KCNA3: variants seen among roughly 807,000 people sequenced by gnomAD.
The protein encoded by KCNA3 is RP11-284N8.3.
Under a neutral mutation model 34.3 loss-of-function variants are expected in KCNA3, and 18 were observed. The observed-to-expected ratio is 0.52, with a 90% CI of 0.36 to 0.78. The LOEUF is 0.78. KCNA3 is among the 30% of genes least tolerant of loss of function. The pLI, the probability that KCNA3 is intolerant of heterozygous loss-of-function variation, is 0.00. For synonymous variants in KCNA3, 324 were observed against 351.7 expected, an observed-to-expected ratio of 0.92 and a Z score of 0.88; for missense variants, 587 against 802.5, an observed-to-expected ratio of 0.73 and a Z score of 3.24.
At chr1:110,661,019 T>C in the KCNA3 span, among the ~76,000 whole-genome samples, 1 of 152,222 alleles carries the variant, frequency 6.6e-6, no homozygotes, top group Non-Finnish European at 1.5e-5. Flanking sequence ...ATTTACTAAC[T>C]ATATAATATA....
In KCNA3 at chr1:110,674,092, A is replaced by C; in HGVS notation, c.718T>G (p.Ser240Ala). The C allele has an allele frequency of 6.2e-7, 1 of 1,609,832 alleles. No individual in the cohort carries two copies. The highest frequency in any genetic ancestry group is 8.5e-7 in the Non-Finnish European group (1 of 1,178,120). ...ATGGAGATGAGGATGACCAGCACGG[A>C]CACGATGGCGATGCCCCGGGCCGGC... is the stretch of plus-strand genomic sequence containing the variant. ...SGPARGIAIV[S>A]VLVILISIVI... is the part of the protein sequence containing the mutation. The change falls in exon 1 of 1, where the codon TCC (serine) becomes GCC (alanine). Residue 240 changes from serine to alanine, a missense_variant. Ser to Ala is a moderately conservative substitution (Grantham distance 99, BLOSUM62 1). Around this residue, in one of 7 missense-constraint regions of KCNA3, gnomAD observed 9 missense variants for 26.8 expected, o/e 0.34. Transcript: ENST00000369769. This position sits in a 1 kb window ranked among gnomAD's most constrained non-coding sequence, Gnocchi z 6.4.
downstream of KCNA3, among the ~76,000 whole-genome samples, chr1:110,672,071 A>G (rs1651910382): frequency 6.6e-6 from 1 of 152,186 alleles, no homozygotes; most frequent in South Asian, 2.1e-4. Flanking sequence ...TTATGAAATC[A>G]TTTAAGTAGG....
At chr1:110,664,766 TA>T in the KCNA3 span, among the ~76,000 whole-genome samples, 1 of 152,110 alleles carries the variant, frequency 6.6e-6, no homozygotes, top group Non-Finnish European at 1.5e-5. Context: ...ATAAAATACC[TA>T]ATACATTAGA....
rs1651998814 is a variant in KCNA3, at chr1:110,674,282, G to A, written c.528C>T (p.Pro176=). Residue 176 remains proline (P), a synonymous_variant, in exon 1 of 1, where the codon CCC becomes CCT. Transcript: ENST00000369769. This position sits in a 1 kb window ranked among gnomAD's most constrained non-coding sequence, Gnocchi z 6.4. ...GGATCTCCTCGGAGAAAATGTCGAT[G>A]GGCACGTTGACCGGCCGGCGGATGC... The part of the protein sequence containing the change: ...GGRIRRPVNV[P]IDIFSEEIRF... 2 of 1,614,160 alleles carry A rather than the reference G, an allele frequency of 1.2e-6. No individual in the cohort carries two copies. Among genetic ancestry groups the A allele is most frequent in the East Asian group, 2.2e-5 (1 of 44,860 alleles).
downstream of KCNA3, among the ~76,000 whole-genome samples, chr1:110,671,396 C>T (rs1365516582): frequency 6.6e-6 from 1 of 152,176 alleles, no homozygotes; most frequent in Non-Finnish European, 1.5e-5. Context: ...TGGCAAATAC[C>T]ATCAGTCTAT....
chr1:110,662,392 C>T, the KCNA3 span, among the ~76,000 whole-genome samples: 1 of 151,976 alleles, frequency 6.6e-6, no homozygotes, highest in South Asian at 2.1e-4. Flanking sequence ...AGTACAGAAA[C>T]CTAGCTTACT....
At chr1:110,672,432 G>A (rs533916969), downstream of KCNA3, 3 of 152,530 alleles carry the variant, frequency 2.0e-5, no homozygotes, top group Admixed American at 2.0e-4. Flanking sequence ...TAGCAAGCCC[G>A]AAAGAATTAA....
the KCNA3 span, among the ~76,000 whole-genome samples, chr1:110,664,785 A>T: frequency 6.6e-6 from 1 of 152,242 alleles, no homozygotes; most frequent in Non-Finnish European, 1.5e-5. Context: ...AGAGGGAAAA[A>T]TAAGAAGAGA....
At chr1:110,671,588 T>G (rs1651892459), downstream of KCNA3, among the ~76,000 whole-genome samples, 1 of 152,214 alleles carries the variant, frequency 6.6e-6, no homozygotes, top group Admixed American at 6.5e-5. Context: ...TGCAATTCAC[T>G]CAGTTTTAAA....
chr1:110,672,923 G>A lies in KCNA3; in HGVS notation c.*159C>T. 1 of 720,614 alleles carries A rather than the reference G, an allele frequency of 1.4e-6. No individual in the cohort carries two copies. The highest frequency in any genetic ancestry group is 1.9e-5 in the South Asian group (1 of 51,640). 44.6% of individuals were successfully genotyped at this position (720,614 alleles called of 1,614,324 possible). On this transcript the variant is annotated 3_prime_UTR_variant, in exon 1 of 1. Transcript: ENST00000369769. ...ACTTGCAAAACAGGCACCTGTTTCA[G>A]TATGAAGCAGCAGGGAGAGGGAGAA... is the stretch of plus-strand genomic sequence containing the variant.
chr1:110,674,678 G>T lies in KCNA3; in HGVS notation c.132C>A (p.Ala44=). The T allele has an allele frequency of 6.6e-7, 1 of 1,506,902 alleles. No individual in the cohort carries two copies. Among genetic ancestry groups the T allele is most frequent in the Non-Finnish European group, 8.8e-7 (1 of 1,138,960 alleles). The allele number at this position is 1,506,902 out of a possible 1,614,324, so 93.3% of individuals were successfully genotyped here. A position where few individuals can be genotyped will look rare whatever the true frequency, so the allele number is the denominator to read the frequency against. ...TLVNHGYAEP[A]AGRELPPDMT... ...TGTCGGGCGGCAGCTCGCGGCCTGC[G>T]GCGGGCTCCGCGTAGCCGTGGTTCA... Residue 44 remains alanine, a synonymous_variant, in exon 1 of 1, where the codon GCC becomes GCA. Transcript: ENST00000369769. The surrounding 1 kb of genome is among the most constrained non-coding windows in gnomAD (Gnocchi z 6.4).
the KCNA3 span, among the ~76,000 whole-genome samples, chr1:110,660,015 A>G: frequency 6.6e-6 from 1 of 152,304 alleles, no homozygotes; most frequent in South Asian, 2.1e-4. Context: ...GCAAACCAAC[A>G]TGACACATGT....
the KCNA3 span, chr1:110,654,733 A>AT: frequency 1.3e-5 from 2 of 152,146 alleles, no homozygotes; most frequent in Non-Finnish European, 2.9e-5. Context: ...TTAAAATTAA[A>AT]TTTTTGTCAA....
rs915075797 is a variant in KCNA3 at position 110,673,004 on chromosome 1, T to G, written c.*78A>C. The G allele has an allele frequency of 7.4e-6, 10 of 1,352,890 alleles. No homozygotes were observed. The highest frequency in any genetic ancestry group is 9.2e-6 in the Non-Finnish European group (9 of 981,400). The allele number at this position is 1,352,890 out of a possible 1,614,324, so 83.8% of individuals were successfully genotyped here. A position where few individuals can be genotyped will look rare whatever the true frequency, so the allele number is the denominator to read the frequency against. On this transcript the variant is annotated 3_prime_UTR_variant, in exon 1 of 1. Coordinates refer to ENST00000369769, the MANE Select transcript of KCNA3 (RefSeq NM_002232.5). The surrounding 1 kb of genome is among the most constrained non-coding windows in gnomAD (Gnocchi z 8.8). Reference sequence around the variant, plus strand: ...TTCCTTGATGAATGGTCTGGAAATGTATAAAACAAGGGCATAGGCAGACCA... The same window carrying G: ...TTCCTTGATGAATGGTCTGGAAATGGATAAAACAAGGGCATAGGCAGACCA...
At chr1:110,657,306 G>T in the KCNA3 span, among the ~76,000 whole-genome samples, 2 of 151,920 alleles carry the variant, frequency 1.3e-5, no homozygotes, top group African/African-American at 2.4e-5. Flanking sequence ...CTTGGCCTCC[G>T]AAAGTGCTAG....
At chr1:110,659,335 T>G in the KCNA3 span, among the ~76,000 whole-genome samples, 1 of 152,268 alleles carries the variant, frequency 6.6e-6, no homozygotes, top group Non-Finnish European at 1.5e-5. Context: ...CTTCATCTCT[T>G]GATGAAATGT....
At chr1:110,653,834 A>AT in the KCNA3 span, 2 of 152,252 alleles carry the variant, frequency 1.3e-5, no homozygotes, top group Non-Finnish European at 2.9e-5. Flanking sequence ...TTGATTTTAC[A>AT]TCGTATTCAG....
rs781548803 is a variant in KCNA3 at position 110,674,720 on chromosome 1, G to A, written c.90C>T (p.Gly30=). ...CGTGGTTCACCAGCGTGTGGGCACC[G>A]CCGCTGCTCGCTGGGCGCTGAGGAG... ...AHPPQRPASS[G]GAHTLVNHGY... Residue 30 remains glycine, a synonymous_variant, in exon 1 of 1, where the codon GGC becomes GGT. Coordinates refer to ENST00000369769, the MANE Select transcript of KCNA3 (RefSeq NM_002232.5). This position sits in a 1 kb window ranked among gnomAD's most constrained non-coding sequence, Gnocchi z 6.4. 6.9e-6 allele frequency: 10 copies of A among 1,453,320 alleles called. No individual in the cohort carries two copies. The Admixed American group carries it at 2.3e-4, about 34-fold the overall frequency. The allele number at this position is 1,453,320 out of a possible 1,614,324, so 90.0% of individuals were successfully genotyped here.
At chr1:110,659,619 G>T in the KCNA3 span, among the ~76,000 whole-genome samples, 2 of 152,026 alleles carry the variant, frequency 1.3e-5, no homozygotes, top group East Asian at 3.9e-4. Context: ...TAATTTACTG[G>T]TATATTTAAC....
Sources: allele counts gnomAD v4.1 joint callset (sites outside exome capture counted in the v4.1 genomes callset), GRCh38; gene constraint gnomAD v4.1.1; regional missense constraint gnomAD v4.1.1; non-coding constraint Gnocchi (gnomAD v3.1); transcripts MANE v1.5; gene names NCBI Gene and HGNC (gene_info 2026-07-23, HGNC 2026-07-21).